SLC4A4: variants seen among roughly 807,000 people sequenced by gnomAD.
SLC4A4 encodes solute carrier family 4 member 4, also known as electrogenic sodium bicarbonate cotransporter 1.
SLC4A4 carries 27 observed loss-of-function variants against 111.5 expected under a neutral mutation model. The observed-to-expected ratio is 0.24, with a 90% CI of 0.18 to 0.33. The LOEUF (loss-of-function observed/expected upper bound fraction) is 0.33. Ranked by LOEUF, SLC4A4 falls within the 10% of genes least tolerant of loss-of-function variation. SLC4A4 has a pLI of 1.00. For missense variants in SLC4A4, 909 were observed against 1,315.5 expected, an observed-to-expected ratio of 0.69 and a Z score of 4.78; for synonymous variants, 443 against 463.4, an observed-to-expected ratio of 0.96 and a Z score of 0.57.
intron 16 of SLC4A4, among the ~76,000 whole-genome samples, chr4:71,520,042 T>A (rs939749350): frequency 6.6e-6 from 1 of 152,206 alleles, no homozygotes; most frequent in African/African-American, 2.4e-5. Context: ...TGCAGACAGG[T>A]GTATAGATTC....
chr4:71,362,712 T>G (rs148151351), intron 6 of SLC4A4, among the ~76,000 whole-genome samples: 31 of 152,258 alleles, frequency 2.0e-4, no homozygotes, highest in African/African-American at 7.2e-4. Flanking sequence ...TTCATTGGTT[T>G]TATCTTTTGC....
chr4:71,354,883 T>C lies in SLC4A4; in HGVS notation c.551-2125T>C, dbSNP rs114817151. Among the ~76,000 whole-genome samples the C allele has an allele frequency of 1.2e-3, 179 of 152,282 alleles. 1 individual carries two copies. The highest frequency in any genetic ancestry group is 4.2e-3 in the African/African-American group (174 of 41,544). ...TGAACTTGATGCTCCATGAAGTTCCTTTCAGCTCTGCTATCATCTAGTGTT... is the reference window on the plus strand; with the variant it reads ...TGAACTTGATGCTCCATGAAGTTCCCTTCAGCTCTGCTATCATCTAGTGTT... On this transcript the variant is annotated intron_variant, in intron 5 of 25. Coordinates refer to ENST00000264485, the MANE Select transcript of SLC4A4 (RefSeq NM_001098484.3).
At chr4:71,346,144 G>A (rs932380587) in intron 4 of SLC4A4, among the ~76,000 whole-genome samples, 5 of 151,944 alleles carry the variant, frequency 3.3e-5, no homozygotes, top group Non-Finnish European at 4.4e-5. Flanking sequence ...GTGATTCCCA[G>A]TGGGTCTTTT....
chr4:71,224,293 C>T (rs1296647196), intron 1 of SLC4A4, among the ~76,000 whole-genome samples: 3 of 152,188 alleles, frequency 2.0e-5, no homozygotes, highest in African/African-American at 7.2e-5. Flanking sequence ...CTGACTTCCT[C>T]CTCCCGCTCT....
chr4:71,401,739 A>C (rs1171959045), intron 7 of SLC4A4, among the ~76,000 whole-genome samples: 1 of 152,196 alleles, frequency 6.6e-6, no homozygotes, highest in Non-Finnish European at 1.5e-5. Flanking sequence ...TACTGTGCTT[A>C]GTGGTGCAAT....
At chr4:71,254,934 G>T (rs1170339670) in intron 2 of SLC4A4, among the ~76,000 whole-genome samples, 1 of 152,104 alleles carries the variant, frequency 6.6e-6, no homozygotes, top group Non-Finnish European at 1.5e-5. Flanking sequence ...AAACATGAAG[G>T]ATTCCTGATT....
chr4:71,278,139 C>T (rs983275449), intron 3 of SLC4A4, among the ~76,000 whole-genome samples: 5 of 152,024 alleles, frequency 3.3e-5, no homozygotes, highest in Non-Finnish European at 5.9e-5. Context: ...TTTTACTCTC[C>T]GTTTCTATGG....
intron 14 of SLC4A4, among the ~76,000 whole-genome samples, chr4:71,476,961 A>C (rs1728432288): frequency 6.6e-6 from 1 of 151,782 alleles, no homozygotes; most frequent in Non-Finnish European, 1.5e-5. Flanking sequence ...ATTACATAGC[A>C]GAGTGTGTAA....
At position 71,292,900 on chromosome 4, in the gene SLC4A4, G is replaced by A. The variant is rs559871850; in HGVS notation, c.253+37501G>A. Among the ~76,000 whole-genome samples the A allele has an allele frequency of 1.5e-3, 216 of 140,530 alleles. 2 individuals carry two copies. The highest frequency in any genetic ancestry group is 5.6e-3 in the African/African-American group (210 of 37,720). 92.2% of individuals were successfully genotyped at this position (140,530 alleles called of 152,430 possible). On this transcript the variant is annotated intron_variant, in intron 3 of 25. Transcript: ENST00000264485. Reference sequence around the variant, plus strand: ...TCTGTCACCCAGGCTGGAGTGCAGTGGTGCGATTTCGGCTCACTGCAACCT... The same window carrying A: ...TCTGTCACCCAGGCTGGAGTGCAGTAGTGCGATTTCGGCTCACTGCAACCT...
At chr4:71,439,435 CAAAAAAAAAAAAA>C (rs56283596) in intron 7 of SLC4A4, among the ~76,000 whole-genome samples, 31 of 34,182 alleles carry the variant, frequency 9.1e-4, no homozygotes, top group South Asian at 2.5e-3. Context: ...GACTCTGTCT[CAAAAAAAAAAAAA>C]AAAAAAAAAA....
At chr4:71,401,531 T>C (rs1424065862) in intron 7 of SLC4A4, among the ~76,000 whole-genome samples, 1 of 152,212 alleles carries the variant, frequency 6.6e-6, no homozygotes, top group African/African-American at 2.4e-5. Context: ...TATCTAATTA[T>C]GTTTCTTGAT....
chr4:71,194,717 A>G (rs1042367101), intron 1 of SLC4A4, among the ~76,000 whole-genome samples: 3 of 152,184 alleles, frequency 2.0e-5, no homozygotes, highest in Non-Finnish European at 4.4e-5. Context: ...AGCTTCTATA[A>G]TTAGAATGGC....
chr4:71,406,502 T>A (rs1720866170), intron 7 of SLC4A4, among the ~76,000 whole-genome samples: 1 of 152,152 alleles, frequency 6.6e-6, no homozygotes, highest in African/African-American at 2.4e-5. Flanking sequence ...GTCTGATTGA[T>A]CCAGTGGCTG....
intron 6 of SLC4A4, among the ~76,000 whole-genome samples, chr4:71,375,827 C>A (rs1732298191): frequency 6.6e-6 from 1 of 151,972 alleles, no homozygotes; most frequent in Admixed American, 6.6e-5. Context: ...TAGCTGCTTT[C>A]ATGCTACAAT....
At chr4:71,200,781 A>G (rs553927424) in intron 1 of SLC4A4, among the ~76,000 whole-genome samples, 1 of 150,144 alleles carries the variant, frequency 6.7e-6, no homozygotes, top group East Asian at 1.9e-4. Context: ...GGTTCTACAC[A>G]TGTGTCCCAG....
chr4:71,197,716 A>G (rs1746071196), intron 1 of SLC4A4, among the ~76,000 whole-genome samples: 1 of 152,214 alleles, frequency 6.6e-6, no homozygotes. Flanking sequence ...CCTAGAACTT[A>G]AAGTATAATA....
chr4:71,101,543 A>G (rs1409495756), intron 2 of SLC4A4, among the ~76,000 whole-genome samples: 1 of 152,232 alleles, frequency 6.6e-6, no homozygotes, highest in South Asian at 2.1e-4. Context: ...GTCAGAGAGC[A>G]GTGGTTTTCC....
chr4:71,318,999 G>A (rs1477960081), intron 3 of SLC4A4, among the ~76,000 whole-genome samples: 1 of 151,856 alleles, frequency 6.6e-6, no homozygotes, highest in Non-Finnish European at 1.5e-5. Flanking sequence ...TGTTTTGGGT[G>A]CAGCTCAGAG....
At chr4:71,488,471 G>A (rs1000366959) in intron 15 of SLC4A4, among the ~76,000 whole-genome samples, 3 of 151,524 alleles carry the variant, frequency 2.0e-5, no homozygotes, top group Non-Finnish European at 4.4e-5. Flanking sequence ...TTTCAACTTA[G>A]CTACTATTTA....
Sources: gnomAD v4.1 joint callset for allele counts (sites outside exome capture counted in the v4.1 genomes callset) on GRCh38, gnomAD v4.1.1 for gene constraint, MANE v1.5 for transcripts, NCBI Gene and HGNC (gene_info 2026-07-23, HGNC 2026-07-21) for gene names.